The following NEK10 variants were observed in gnomAD, a reference collection of about 807,000 sequenced individuals.
NEK10 encodes the protein NIMA related kinase 10, also known as serine/threonine-protein kinase Nek10.
Under a neutral mutation model 159.8 loss-of-function variants are expected in NEK10, and 122 were observed. The observed-to-expected ratio is 0.76, with a 90% confidence interval of 0.66 to 0.89. NEK10 has a LOEUF of 0.89. Ranked by LOEUF, NEK10 falls within the 40% of genes least tolerant of loss-of-function variation. The probability of loss-of-function intolerance (pLI) is 0.00; values close to 1 mark genes in which losing one functional copy is unlikely to be tolerated. For missense variants in NEK10, 1,342 were observed against 1,323.1 expected (o/e 1.01, Z -0.22); for synonymous variants, 466 against 457.1 (o/e 1.02, Z -0.25).
chr3:27,344,332 G>A lies in NEK10; in HGVS notation c.302C>T (p.Pro101Leu), dbSNP rs1456038709. 2 of 1,596,280 alleles carry A rather than the reference G, an allele frequency of 1.3e-6. No individual in the cohort carries two copies. The highest frequency in any genetic ancestry group is 8.6e-7 in the Non-Finnish European group (1 of 1,167,664). The change falls in exon 5 of 36, where the codon CCT becomes CTT. Residue 101 changes from proline (P) to leucine (L), a missense_variant. Coordinates refer to ENST00000691995, the MANE Select transcript of NEK10 (RefSeq NM_001394966.1). ...GATCTCCTGAAATAGTTTACGCTGA[G>A]GATGTTTGCTGAAATTTCTCTCATT... The part of the protein sequence containing the change: ...YKNERNFSKH[P>L]QRKLFQEIFT...
chr3:27,174,320 C>A (rs1947295736), intron 28 of NEK10, 119 bp downstream of exon 28: 3 of 1,513,556 alleles, frequency 2.0e-6, no homozygotes, highest in Non-Finnish European at 2.7e-6. Context: ...ATTAGCACTG[C>A]ACCTGAAAAA....
intron 26 of NEK10, among the ~76,000 whole-genome samples, chr3:27,189,336 G>T (rs1948908235): frequency 6.6e-6 from 1 of 152,016 alleles, no homozygotes; most frequent in African/African-American, 2.4e-5. Context: ...CCATGAAATA[G>T]AAACCTTTAA....
At chr3:27,143,706 A>G (rs2125590979) in intron 30 of NEK10, among the ~76,000 whole-genome samples, 1 of 152,256 alleles carries the variant, frequency 6.6e-6, no homozygotes, top group Non-Finnish European at 1.5e-5. Flanking sequence ...AACAAACAAA[A>G]ATGTTAGTTG....
At chr3:27,162,594 C>T in intron 30 of NEK10, 107 bp downstream of exon 30, 1 of 1,614,000 alleles carries the variant, frequency 6.2e-7, no homozygotes, top group Middle Eastern at 1.6e-4. Flanking sequence ...GGTCAAGAGG[C>T]AGCAAAGCTG....
intron 29 of NEK10, among the ~76,000 whole-genome samples, chr3:27,167,020 G>C (rs547046304): frequency 6.6e-6 from 1 of 152,156 alleles, no homozygotes; most frequent in Non-Finnish European, 1.5e-5. Context: ...ATACACTGAT[G>C]AATCAAAAAA....
intron 11 of NEK10, among the ~76,000 whole-genome samples, chr3:27,306,162 C>T (rs2044228699): frequency 6.6e-6 from 1 of 152,140 alleles, no homozygotes; most frequent in African/African-American, 2.4e-5. Flanking sequence ...CCTCTTTTCA[C>T]ACTCCTCCAC....
intron 3 of NEK10, among the ~76,000 whole-genome samples, chr3:27,349,457 T>C (rs2047809103): frequency 6.6e-6 from 1 of 152,126 alleles, no homozygotes; most frequent in Non-Finnish European, 1.5e-5. Context: ...ACCAGGATGG[T>C]GTCTTGCCTT....
rs994391447 is a variant in NEK10, at chr3:27,256,068, C to A, written c.2090+228G>T. Among the ~76,000 whole-genome samples the A allele has an allele frequency of 3.3e-5, 5 of 152,060 alleles. No homozygotes were observed. In the East Asian group the frequency reaches 9.6e-4, roughly 29 times the overall value. ...CAATTTACAATTGATATAAGTAATC[C>A]CCATGAGGGGCATGATACCTTAGAA... On this transcript the variant is annotated intron_variant, in intron 23 of 35. Transcript: ENST00000691995.
chr3:27,224,262 T>C (rs1952406669), intron 23 of NEK10, among the ~76,000 whole-genome samples: 1 of 152,206 alleles, frequency 6.6e-6, no homozygotes, highest in Non-Finnish European at 1.5e-5. Flanking sequence ...CTTAACACTT[T>C]CAGCTGTCTG....
chr3:27,304,096 C>A (rs1192940144), intron 12 of NEK10, among the ~76,000 whole-genome samples: 1 of 152,170 alleles, frequency 6.6e-6, no homozygotes, highest in Admixed American at 6.5e-5. Context: ...GGGAACAAAA[C>A]TATCCATTCT....
At chr3:27,331,730 A>C (rs2046434420) in intron 5 of NEK10, among the ~76,000 whole-genome samples, 1 of 152,208 alleles carries the variant, frequency 6.6e-6, no homozygotes, top group Non-Finnish European at 1.5e-5. Flanking sequence ...ATAAGTATCT[A>C]TGATGTTCTC....
intron 23 of NEK10, among the ~76,000 whole-genome samples, chr3:27,203,932 G>A (rs974780105): frequency 4.6e-5 from 7 of 152,184 alleles, no homozygotes; most frequent in Middle Eastern, 3.4e-3. Context: ...TGAGACTTCC[G>A]CAGGGCTCTG....
chr3:27,214,301 G>T (rs11715168), intron 23 of NEK10, among the ~76,000 whole-genome samples: 35,866 of 152,150 alleles, frequency 0.24, 4,562 homozygotes, highest in Middle Eastern at 0.38. Flanking sequence ...CTGAGGCAGT[G>T]TGACGGGTCA....
chr3:27,287,979 G>A (rs1016840380), intron 19 of NEK10, among the ~76,000 whole-genome samples: 8 of 152,076 alleles, frequency 5.3e-5, no homozygotes, highest in Non-Finnish European at 1.2e-4. Context: ...AATTAAAAAC[G>A]TTCTATCACC....
intron 32 of NEK10, among the ~76,000 whole-genome samples, chr3:27,130,384 C>T (rs1290732788): frequency 1.3e-5 from 2 of 152,032 alleles, no homozygotes; most frequent in Non-Finnish European, 2.9e-5. Flanking sequence ...GATGCTGCCA[C>T]AATACACAGG....
intron 22 of NEK10, among the ~76,000 whole-genome samples, chr3:27,268,786 A>G (rs2041104189): frequency 6.6e-6 from 1 of 152,216 alleles, no homozygotes; most frequent in Admixed American, 6.5e-5. Flanking sequence ...TTACTAATTC[A>G]GAGATACATT....
At chr3:27,230,536 G>T (rs891020698) in intron 23 of NEK10, among the ~76,000 whole-genome samples, 1 of 151,958 alleles carries the variant, frequency 6.6e-6, no homozygotes, top group Admixed American at 6.6e-5. Context: ...AACAATGAAC[G>T]TAAATGGCCT....
At chr3:27,254,452 T>C (rs958160168) in intron 23 of NEK10, among the ~76,000 whole-genome samples, 2 of 152,182 alleles carry the variant, frequency 1.3e-5, no homozygotes, top group African/African-American at 2.4e-5. Flanking sequence ...ACTCAAATTC[T>C]TGTCCCAGAT....
intron 31 of NEK10, among the ~76,000 whole-genome samples, chr3:27,133,535 G>C (rs942145657): frequency 6.6e-6 from 1 of 152,198 alleles, no homozygotes; most frequent in Non-Finnish European, 1.5e-5. Flanking sequence ...AGCACTTTGG[G>C]AGGCCGAGGC....
Sources: gnomAD v4.1 joint callset for allele counts (sites outside exome capture counted in the v4.1 genomes callset) on GRCh38, gnomAD v4.1.1 for gene constraint, MANE v1.5 for transcripts, NCBI Gene and HGNC (gene_info 2026-07-23, HGNC 2026-07-21) for gene names.